CPXM2: variants seen among roughly 807,000 people sequenced by gnomAD.
CPXM2 encodes carboxypeptidase X, M14 family member 2, also known as inactive carboxypeptidase-like protein X2.
A neutral mutation model predicts 86.1 loss-of-function variants in CPXM2; 66 were observed. The ratio of observed to expected loss-of-function variants is 0.77; its 90% CI spans 0.63 to 0.94. The LOEUF (loss-of-function observed/expected upper bound fraction) is 0.94, where lower values mean the gene tolerates loss of function less well. Among genes scored for constraint, CPXM2 ranks in the 40% least tolerant of loss-of-function variants. The pLI, the probability that CPXM2 is intolerant of heterozygous loss-of-function variation, is 0.00. For missense variants in CPXM2, 948 were observed against 1,026.3 expected (o/e 0.92, Z 1.04); for synonymous variants, 388 against 400.2 (o/e 0.97, Z 0.36).
At chr10:123,832,402 T>C (rs1848184281) in intron 4 of CPXM2, among the ~76,000 whole-genome samples, 1 of 152,044 alleles carries the variant, frequency 6.6e-6, no homozygotes, top group African/African-American at 2.4e-5. Flanking sequence ...TGGGGAGGGA[T>C]GTGCACTGGA....
At chr10:123,835,573 G>C (rs1314770375) in intron 4 of CPXM2, among the ~76,000 whole-genome samples, 1 of 152,098 alleles carries the variant, frequency 6.6e-6, no homozygotes, top group African/African-American at 2.4e-5. Context: ...TTTTCAAAGA[G>C]GTTAGAAAGG....
chr10:123,787,341 C>T (rs1847084877), intron 6 of CPXM2, among the ~76,000 whole-genome samples: 1 of 152,144 alleles, frequency 6.6e-6, no homozygotes, highest in South Asian at 2.1e-4. Context: ...CCAGCCACAG[C>T]TCAGGACTCC....
chr10:123,878,824 T>A (rs1311279434), intron 2 of CPXM2, among the ~76,000 whole-genome samples: 1 of 152,152 alleles, frequency 6.6e-6, no homozygotes, highest in Non-Finnish European at 1.5e-5. Flanking sequence ...GTCAGCCCTG[T>A]GGCATTTGTA....
rs561035782 is a variant in CPXM2 at position 123,832,526 on chromosome 10, G to T, written c.653+9823C>A. Among the ~76,000 whole-genome samples, 4 of 152,230 alleles carry T rather than the reference G, an allele frequency of 2.6e-5. No homozygotes were observed. The East Asian group carries it at 7.7e-4, about 29-fold the overall frequency. ...TTGGAACCAAATCTCTAATGAGATGGTATTAAGAGGTGGGGGTAGGCTGGG... is the reference window on the plus strand; with the variant it reads ...TTGGAACCAAATCTCTAATGAGATGTTATTAAGAGGTGGGGGTAGGCTGGG... On this transcript the variant is annotated intron_variant, in intron 4 of 13. Coordinates refer to ENST00000241305, the MANE Select transcript of CPXM2 (RefSeq NM_198148.3).
chr10:123,784,020 T>C (rs1846995018), intron 6 of CPXM2, among the ~76,000 whole-genome samples: 2 of 152,246 alleles, frequency 1.3e-5, no homozygotes, highest in Non-Finnish European at 2.9e-5. Flanking sequence ...TGTTATGGTC[T>C]GAATTGTGCT....
chr10:123,863,053 C>T lies in CPXM2; in HGVS notation c.404-330G>A, dbSNP rs148479599. Among the ~76,000 whole-genome samples, 832 of 152,240 alleles carry T rather than the reference C, an allele frequency of 5.5e-3. 11 individuals are homozygous for T. Among genetic ancestry groups the T allele is most frequent in the African/African-American group, 0.019 (798 of 41,542 alleles). ...AGCTCTGCAAATTAATCAGAACTTG[C>T]GGATTTTGCTTCAGCAACTCTGGCC... On this transcript the variant is annotated intron_variant, in intron 2 of 13. Coordinates refer to ENST00000241305, the MANE Select transcript of CPXM2 (RefSeq NM_198148.3).
At chr10:123,858,023 T>C (rs61861895) in intron 3 of CPXM2, among the ~76,000 whole-genome samples, 3,770 of 147,238 alleles carry the variant, frequency 0.026, 72 homozygotes, top group South Asian at 0.091. Context: ...AGACTCCATA[T>C]TCACCCGTGA....
At chr10:123,847,946 A>G (rs1848531579) in intron 3 of CPXM2, among the ~76,000 whole-genome samples, 1 of 143,786 alleles carries the variant, frequency 7.0e-6, no homozygotes, top group Non-Finnish European at 1.5e-5. Context: ...GGAAGCAAAT[A>G]AAAAGTCATA....
At chr10:123,777,660 C>T (rs1426070497) in intron 7 of CPXM2, 3 of 152,880 alleles carry the variant, frequency 2.0e-5, no homozygotes, top group African/African-American at 4.8e-5. Context: ...CATGCCTTCA[C>T]TCTTGCTGTC....
intron 2 of CPXM2, among the ~76,000 whole-genome samples, chr10:123,868,489 G>A (rs1387765268): frequency 6.6e-6 from 1 of 152,098 alleles, no homozygotes; most frequent in Non-Finnish European, 1.5e-5. Flanking sequence ...CCACAGTCCC[G>A]GGCTTGTCTA....
At chr10:123,921,451 T>C (rs994584022) in intron 2 of CPXM2, among the ~76,000 whole-genome samples, 4 of 152,184 alleles carry the variant, frequency 2.6e-5, no homozygotes, top group African/African-American at 9.7e-5. Flanking sequence ...GATAAAATCA[T>C]TGACTGAAAG....
chr10:123,841,006 G>A (rs1848375095), intron 4 of CPXM2, among the ~76,000 whole-genome samples: 1 of 152,230 alleles, frequency 6.6e-6, no homozygotes, highest in African/African-American at 2.4e-5. Context: ...CTTTGAGAGT[G>A]CAGTATAGAT....
At chr10:123,900,376 G>A (rs1945371830) in intron 2 of CPXM2, among the ~76,000 whole-genome samples, 1 of 152,198 alleles carries the variant, frequency 6.6e-6, no homozygotes, top group Admixed American at 6.5e-5. Context: ...AAGGAAGAAA[G>A]GGCGGACTCC....
intron 7 of CPXM2, among the ~76,000 whole-genome samples, chr10:123,775,122 C>G (rs1439963238): frequency 6.6e-6 from 1 of 152,178 alleles, no homozygotes; most frequent in Non-Finnish European, 1.5e-5. Flanking sequence ...CCTTTCAGGG[C>G]TCTTCCCTTA....
intron 7 of CPXM2, among the ~76,000 whole-genome samples, chr10:123,773,512 G>A (rs1406039837): frequency 6.6e-6 from 1 of 152,258 alleles, no homozygotes; most frequent in Admixed American, 6.5e-5. Context: ...TGAGGAGACA[G>A]ACTCAGCCTT....
chr10:123,941,318 T>C (rs1945774831), upstream of CPXM2, among the ~76,000 whole-genome samples: 1 of 152,264 alleles, frequency 6.6e-6, no homozygotes, highest in South Asian at 2.1e-4. Context: ...TGCTTCTTCC[T>C]AGCCTCTGCT....
At chr10:123,935,607 G>T (rs1311486943) in intron 2 of CPXM2, among the ~76,000 whole-genome samples, 1 of 152,192 alleles carries the variant, frequency 6.6e-6, no homozygotes, top group Non-Finnish European at 1.5e-5. Context: ...AAGTGCCCCA[G>T]TGTGGTGCCT....
upstream of CPXM2, among the ~76,000 whole-genome samples, chr10:123,943,098 T>A (rs1332595454): frequency 1.3e-5 from 2 of 152,256 alleles, no homozygotes; most frequent in Non-Finnish European, 1.5e-5. Context: ...ATGTTCACAC[T>A]ATGACAAAAT....
chr10:123,770,777 T>C, intron 8 of CPXM2, 139 bp downstream of exon 8: 2 of 864,544 alleles, frequency 2.3e-6, no homozygotes, highest in Non-Finnish European at 3.5e-6. Flanking sequence ...ATGGGCAAAA[T>C]CTGTCTACGT....
Sources: gnomAD v4.1 joint callset for allele counts (sites outside exome capture counted in the v4.1 genomes callset) on GRCh38, gnomAD v4.1.1 for gene constraint, MANE v1.5 for transcripts, NCBI Gene and HGNC (gene_info 2026-07-23, HGNC 2026-07-21) for gene names.